The following ESCO2 variants were observed in gnomAD, a reference collection of about 807,000 sequenced individuals.
The protein encoded by ESCO2 is N-acetyltransferase ESCO2.
Under a neutral mutation model 61.7 loss-of-function variants are expected in ESCO2, and 51 were observed. The observed-to-expected ratio is 0.83, with a 90% CI of 0.66 to 1.04. The LOEUF (loss-of-function observed/expected upper bound fraction) is 1.04, where lower values mean the gene tolerates loss of function less well. Among genes scored for constraint, ESCO2 ranks in the 50% least tolerant of loss-of-function variants. The pLI is 0.00. For synonymous variants in ESCO2, 230 were observed against 238.2 expected, an observed-to-expected ratio of 0.97 and a Z score of 0.32; for missense variants, 692 against 686.2, an observed-to-expected ratio of 1.01 and a Z score of -0.09.
chr8:27,803,904 A>T lies in ESCO2; in HGVS notation c.*466A>T, dbSNP rs1805508537. 1.1e-5 allele frequency: 10 copies of T among 900,224 alleles called. No individual in the cohort carries two copies. The highest frequency in any genetic ancestry group is 1.3e-4 in the Admixed American group (2 of 15,874). 55.8% of individuals were successfully genotyped at this position (900,224 alleles called of 1,614,324 possible). Reference sequence around the variant, plus strand: ...CCCAATTTGTAAAGGGAATTCCTGAATTTTTTTTTTTTTTTAATAGAGGCA... The same window carrying T: ...CCCAATTTGTAAAGGGAATTCCTGATTTTTTTTTTTTTTTTAATAGAGGCA... On this transcript the variant is annotated 3_prime_UTR_variant, in exon 11 of 11. Transcript: ENST00000305188.
Position 27,792,671 on chromosome 8 carries a change from G to A in ESCO2, c.1357G>A (p.Glu453Lys). ...TCTTGGTTTTTAAAATCATTAGGTAGAAGATGTCCAAGAACTTGTTGATAA... is the reference window on the plus strand; with the variant it reads ...TCTTGGTTTTTAAAATCATTAGGTAAAAGATGTCCAAGAACTTGTTGATAA... The part of the protein sequence containing the change: ...HDPSFAIKKV[E>K]DVQELVDNEL... Residue 453 changes from glutamate to lysine, a missense_variant, in exon 9 of 11, where the codon GAA becomes AAA. Physicochemically the swap from Glu to Lys is moderately conservative, Grantham distance 56 (BLOSUM62 1). Coordinates refer to ENST00000305188, the MANE Select transcript of ESCO2 (RefSeq NM_001017420.3). The A allele has an allele frequency of 6.2e-7, 1 of 1,612,350 alleles. No homozygotes were observed.
chr8:27,814,930 A>G (rs1215976389), downstream of ESCO2, among the ~76,000 whole-genome samples: 3 of 152,190 alleles, frequency 2.0e-5, no homozygotes, highest in Non-Finnish European at 4.4e-5. Context: ...TCAAACTCTT[A>G]CAGACAGAAT....
At chr8:27,813,325 G>A (rs1805734872), downstream of ESCO2, among the ~76,000 whole-genome samples, 1 of 152,094 alleles carries the variant, frequency 6.6e-6, no homozygotes, top group African/African-American at 2.4e-5. Flanking sequence ...TCATGGGGTA[G>A]GGGGGAGGGA....
chr8:27,792,853 CA>C (rs1288872704), intron 9 of ESCO2, 42 bp downstream of exon 9: 1 of 1,537,470 alleles, frequency 6.5e-7, no homozygotes, highest in Non-Finnish European at 8.7e-7. Context: ...AATTTGCAGG[CA>C]AAATAAAGAA....
chr8:27,792,467 A>G (rs1287925616), intron 8 of ESCO2, among the ~76,000 whole-genome samples: 1 of 152,192 alleles, frequency 6.6e-6, no homozygotes, highest in Non-Finnish European at 1.5e-5. Context: ...AGTGATCTTT[A>G]AAATAGGTTC....
chr8:27,775,844 C>T (rs1166222506), intron 2 of ESCO2, among the ~76,000 whole-genome samples: 2 of 152,146 alleles, frequency 1.3e-5, no homozygotes, highest in African/African-American at 4.8e-5. Flanking sequence ...TTTTCTATAG[C>T]TAGGAAATAT....
chr8:27,786,259 G>A (rs959664894), intron 5 of ESCO2, among the ~76,000 whole-genome samples: 5 of 152,168 alleles, frequency 3.3e-5, no homozygotes, highest in East Asian at 1.9e-4. Context: ...AGAAGGGGTC[G>A]GGAGCTCCTG....
At chr8:27,809,294 T>C (rs1170149304), downstream of ESCO2, among the ~76,000 whole-genome samples, 2 of 152,352 alleles carry the variant, frequency 1.3e-5, no homozygotes, top group East Asian at 3.9e-4. Flanking sequence ...TTGTGTCCTA[T>C]TGCTTGGTAC....
chr8:27,809,239 A>G (rs1425820193), downstream of ESCO2, among the ~76,000 whole-genome samples: 1 of 152,164 alleles, frequency 6.6e-6, no homozygotes, highest in Non-Finnish European at 1.5e-5. Flanking sequence ...GACAACTTCC[A>G]ATTTACTTGT....
upstream of ESCO2, among the ~76,000 whole-genome samples, chr8:27,773,075 C>T (rs995837001): frequency 6.6e-6 from 1 of 152,148 alleles, no homozygotes; most frequent in East Asian, 1.9e-4. Flanking sequence ...GCTCCTACAG[C>T]ACTTGGCTTT....
chr8:27,777,045 T>C lies in ESCO2; in HGVS notation c.737T>C (p.Val246Ala), dbSNP rs1473366222. 1.2e-6 allele frequency: 2 copies of C among 1,610,368 alleles called. No homozygotes were observed. Among genetic ancestry groups the C allele is most frequent in the Non-Finnish European group, 1.7e-6 (2 of 1,179,256 alleles). ...TCAGAAGTCATTGAAGATTCTGATG[T>C]AGAGACTGTCAGTGAAAAAAAAACT... Reference protein sequence around the residue: ...SKSEVIEDSDVETVSEKKTFA... With the variant: ...SKSEVIEDSDAETVSEKKTFA... The change falls in exon 3 of 11, where the codon GTA becomes GCA. Residue 246 changes from valine to alanine, a missense_variant. Val to Ala is a moderately conservative substitution (Grantham distance 64, BLOSUM62 0). Transcript: ENST00000305188.
At chr8:27,818,483 G>A in the ESCO2 span, among the ~76,000 whole-genome samples, 1 of 152,172 alleles carries the variant, frequency 6.6e-6, no homozygotes, top group Admixed American at 6.5e-5. Flanking sequence ...AATTTACACA[G>A]TGTGATGAGT....
At chr8:27,818,799 T>C in the ESCO2 span, among the ~76,000 whole-genome samples, 478 of 152,278 alleles carry the variant, frequency 3.1e-3, 2 homozygotes, top group African/African-American at 9.3e-3. Context: ...CTTTGGTGTC[T>C]TCTTTAAAGT....
intron 5 of ESCO2, among the ~76,000 whole-genome samples, chr8:27,785,173 T>A (rs1300576534): frequency 6.6e-6 from 1 of 152,086 alleles, no homozygotes; most frequent in Non-Finnish European, 1.5e-5. Flanking sequence ...AACAAGAGAG[T>A]GTGCATGAGA....
At chr8:27,773,065 G>A (rs532176858), upstream of ESCO2, among the ~76,000 whole-genome samples, 1 of 152,120 alleles carries the variant, frequency 6.6e-6, no homozygotes, top group Middle Eastern at 3.2e-3. Context: ...TTCATGTAAA[G>A]CTCCTACAGC....
At chr8:27,782,538 A>G (rs984489601) in intron 4 of ESCO2, among the ~76,000 whole-genome samples, 2 of 152,044 alleles carry the variant, frequency 1.3e-5, no homozygotes, top group African/African-American at 2.4e-5. Context: ...CTTTCATCTC[A>G]TAGTTCATGT....
At chr8:27,801,828 G>A (rs763706474) in intron 10 of ESCO2, among the ~76,000 whole-genome samples, 9 of 151,878 alleles carry the variant, frequency 5.9e-5, no homozygotes, top group Non-Finnish European at 1.0e-4. Flanking sequence ...ATGCATTGGT[G>A]TGTTTTTCTT....
intron 10 of ESCO2, among the ~76,000 whole-genome samples, chr8:27,801,200 C>A (rs955835851): frequency 6.6e-6 from 1 of 152,148 alleles, no homozygotes; most frequent in African/African-American, 2.4e-5. Context: ...CACAAACAAG[C>A]CTGTTTGCTA....
chr8:27,775,322 T>C (rs541350961), intron 1 of ESCO2, among the ~76,000 whole-genome samples, 177 bp from the exon 2 acceptor site: 43 of 152,190 alleles, frequency 2.8e-4, no homozygotes, highest in Admixed American at 1.7e-3. Flanking sequence ...CAGGGTGCCA[T>C]GGAAGCAGAA....
Sources: allele counts gnomAD v4.1 joint callset (sites outside exome capture counted in the v4.1 genomes callset), GRCh38; gene constraint gnomAD v4.1.1; transcripts MANE v1.5; gene names NCBI Gene and HGNC (gene_info 2026-07-23, HGNC 2026-07-21).